Variants in MTIF2 observed in about 807,000 individuals in gnomAD.
MTIF2 encodes mitochondrial translational initiation factor 2.
MTIF2 carries 71 observed loss-of-function variants against 83.5 expected under a neutral mutation model. The observed-to-expected ratio is 0.85, with a 90% confidence interval of 0.70 to 1.04. The LOEUF (loss-of-function observed/expected upper bound fraction) is 1.04. Ranked by LOEUF, MTIF2 falls within the 50% of genes least tolerant of loss-of-function variation. The pLI is 0.00. For missense variants in MTIF2, 957 were observed against 846.5 expected (o/e 1.13, Z -1.62); for synonymous variants, 319 against 287.1 (o/e 1.11, Z -1.12).
At position 55,252,461 on chromosome 2, in the gene MTIF2, G is replaced by C; in HGVS notation, c.841+16C>G. ...TGACTTTATGTAGTAGATCCATTAA[G>C]TCAGCCACACAGTACCCTGTGCATC... On this transcript the variant is annotated intron_variant, in intron 8 of 15. Transcript: ENST00000263629. 6.2e-7 allele frequency: 1 copy of C among 1,607,806 alleles called. No homozygotes were observed. The highest frequency in any genetic ancestry group is 8.5e-7 in the Non-Finnish European group (1 of 1,176,106).
chr2:55,263,704 G>C lies in MTIF2; in HGVS notation c.155C>G (p.Pro52Arg), dbSNP rs1278297258. 19 of 1,614,038 alleles carry C rather than the reference G, an allele frequency of 1.2e-5. No individual in the cohort carries two copies. Among genetic ancestry groups the C allele is most frequent in the Non-Finnish European group, 1.6e-5 (19 of 1,180,020 alleles). The change falls in exon 4 of 16, where the codon CCC becomes CGC. Residue 52 changes from proline to arginine, a missense_variant. Around this residue, in one of 3 missense-constraint regions of MTIF2, gnomAD observed 733 missense variants for 648.7 expected, o/e 1.13. Transcript: ENST00000263629. ...PVWTAQLCAW[P>R]WPTDVLTGAA... ...CCCAGTGAGCACATCTGTTGGCCAG[G>C]GCCAGGCACACAGTTGAGCTGTCCA...
intron 5 of MTIF2, among the ~76,000 whole-genome samples, chr2:55,260,973 G>C (rs1341513581): frequency 6.6e-6 from 1 of 151,758 alleles, no homozygotes; most frequent in Admixed American, 6.6e-5. Context: ...AGAAGTTGTA[G>C]TTATTACTAC....
chr2:55,263,584 G>A (rs1307307072), intron 4 of MTIF2, 56 bp downstream of exon 4: 22 of 1,389,038 alleles, frequency 1.6e-5, no homozygotes, highest in Non-Finnish European at 1.9e-5. Context: ...CACTCCAGCC[G>A]GGGTGACAGG....
rs755555792 is a variant in MTIF2 at position 55,246,308 on chromosome 2, T to G, written c.1106+29A>C. ...AAGTCACGAAAACCACAGAACAAAT[T>G]AAAAAGGCAAGCATTTTAAGAGTCC... On this transcript the variant is annotated intron_variant, in intron 10 of 15. Coordinates refer to ENST00000263629, the MANE Select transcript of MTIF2 (RefSeq NM_002453.3). 3.8e-6 allele frequency: 6 copies of G among 1,566,428 alleles called. No individual in the cohort carries two copies. The African/African-American group carries it at 8.1e-5, about 21-fold the overall frequency.
At chr2:55,252,846 G>GT (rs969457193) in intron 7 of MTIF2, among the ~76,000 whole-genome samples, 193 bp from the exon 8 acceptor site, 6 of 152,076 alleles carry the variant, frequency 3.9e-5, no homozygotes, top group South Asian at 2.1e-4. Context: ...ATTCTTATGG[G>GT]TTTTTTTCCA....
At chr2:55,268,068 C>T (rs1054557499) in intron 2 of MTIF2, among the ~76,000 whole-genome samples, 4 of 152,048 alleles carry the variant, frequency 2.6e-5, no homozygotes, top group African/African-American at 4.8e-5. Flanking sequence ...GCCTGGCCAA[C>T]ATGGTGAAAC....
At position 55,262,349 on chromosome 2, in the gene MTIF2, C is replaced by T. The variant is rs1160707888; in HGVS notation, c.298G>A (p.Glu100Lys). The T allele has an allele frequency of 1.2e-6, 2 of 1,613,484 alleles. No homozygotes were observed. The highest frequency in any genetic ancestry group is 2.2e-5 in the East Asian group (1 of 44,824). Residue 100 changes from glutamate (E) to lysine (K), a missense_variant, in exon 5 of 16, where the codon GAG becomes AAG. Physicochemically the swap from Glu to Lys is moderately conservative, Grantham distance 56. Around this residue, in one of 3 missense-constraint regions of MTIF2, gnomAD observed 733 missense variants for 648.7 expected, o/e 1.13. Transcript: ENST00000263629. ...TTTTCCATTGCCCTGGCCAGTTCCT[C>T]AATAGTCATTCCAATCCATACTTCT... is the stretch of plus-strand genomic sequence containing the variant. ...VVEVWIGMTI[E>K]ELARAMEKNT... is the part of the protein sequence containing the mutation.
intron 8 of MTIF2, among the ~76,000 whole-genome samples, chr2:55,249,973 A>G (rs1676978714): frequency 6.6e-6 from 1 of 152,104 alleles, no homozygotes; most frequent in Middle Eastern, 3.2e-3. Context: ...TGCACCTGTA[A>G]TCCCAGCTAC....
At chr2:55,264,645 A>G (rs1463759226) in intron 3 of MTIF2, among the ~76,000 whole-genome samples, 1 of 152,066 alleles carries the variant, frequency 6.6e-6, no homozygotes, top group African/African-American at 2.4e-5. Context: ...GAAACTTTGC[A>G]CACACTTCCT....
At position 55,244,309 on chromosome 2, in the gene MTIF2, A is replaced by G. The variant is rs1379714826; in HGVS notation, c.1107-76T>C. ...GAGCAAAGATATCTTTATGAAGTTT[A>G]AGTTATATAAACATGTGTATACACA... On this transcript the variant is annotated intron_variant, in intron 10 of 15. Transcript: ENST00000263629. 6.3e-6 allele frequency: 7 copies of G among 1,112,156 alleles called. No individual in the cohort carries two copies. In the African/African-American group the frequency reaches 1.1e-4, roughly 18 times the overall value. 68.9% of individuals were successfully genotyped at this position (1,112,156 alleles called of 1,614,324 possible).
In MTIF2 at chr2:55,244,102, C is replaced by A; in HGVS notation, c.1238G>T (p.Ser413Ile). ...CCAGCCTGTAATTCCCACTGGCATG[C>A]TGGGATAGGCCTCATCAATTGTTTT... Reference protein sequence around the residue: ...NGKTIDEAYPSMPVGITGWRD... With the variant: ...NGKTIDEAYPIMPVGITGWRD... The change falls in exon 11 of 16, where the codon AGC becomes ATC. Residue 413 changes from serine (S) to isoleucine (I), a missense_variant. By Grantham distance (142) the Ser-to-Ile change is moderately radical. Around this residue, in one of 3 missense-constraint regions of MTIF2, gnomAD observed 733 missense variants for 648.7 expected, o/e 1.13. Coordinates refer to ENST00000263629, the MANE Select transcript of MTIF2 (RefSeq NM_002453.3). 1 of 1,614,126 alleles carries A rather than the reference C, an allele frequency of 6.2e-7. No homozygotes were observed. Among genetic ancestry groups the A allele is most frequent in the Non-Finnish European group, 8.5e-7 (1 of 1,180,002 alleles).
intron 11 of MTIF2, 78 bp from the exon 12 acceptor site, chr2:55,243,746 A>C: frequency 7.0e-7 from 1 of 1,422,656 alleles, no homozygotes; most frequent in South Asian, 1.4e-5. Flanking sequence ...GTTGTCCTGC[A>C]TTAGGAAATT....
At chr2:55,262,231 C>T in intron 5 of MTIF2, 85 bp downstream of exon 5, 1 of 905,600 alleles carries the variant, frequency 1.1e-6, no homozygotes, top group South Asian at 1.4e-5. Flanking sequence ...AGTTTTTAAT[C>T]TTTCAATGCC....
chr2:55,258,837 G>A (rs979258194), intron 5 of MTIF2, among the ~76,000 whole-genome samples: 87 of 145,764 alleles, frequency 6.0e-4, no homozygotes, highest in African/African-American at 2.1e-3. Flanking sequence ...AAAAAAATTA[G>A]CCAGGCATGT....
intron 3 of MTIF2, among the ~76,000 whole-genome samples, chr2:55,264,303 C>T (rs1249410339): frequency 6.6e-6 from 1 of 152,194 alleles, no homozygotes; most frequent in East Asian, 1.9e-4. Flanking sequence ...ATGGTCACAG[C>T]TCATTGCAGC....
In MTIF2 at chr2:55,262,291, T is replaced by G. The variant is rs759617671; in HGVS notation, c.331+25A>C. 8.7e-6 allele frequency: 13 copies of G among 1,499,546 alleles called. No homozygotes were observed. In the East Asian group the frequency reaches 2.7e-4, roughly 31 times the overall value. 92.9% of individuals were successfully genotyped at this position (1,499,546 alleles called of 1,614,324 possible). A position where few individuals can be genotyped will look rare whatever the true frequency, so the allele number is the denominator to read the frequency against. On this transcript the variant is annotated intron_variant, in intron 5 of 15. Coordinates refer to ENST00000263629, the MANE Select transcript of MTIF2 (RefSeq NM_002453.3). ...CCGGTCTTCCAACATTCCCATATTT[T>G]GCTTTGTAAAAATATCTGACTCACC...
chr2:55,261,665 G>A (rs781717634), intron 5 of MTIF2, among the ~76,000 whole-genome samples: 42 of 151,968 alleles, frequency 2.8e-4, no homozygotes, highest in Middle Eastern at 3.4e-3. Flanking sequence ...AGGGCCAGGC[G>A]TGGTGGCTCA....
intron 5 of MTIF2, among the ~76,000 whole-genome samples, chr2:55,259,927 G>C (rs533814489): frequency 2.0e-5 from 3 of 151,750 alleles, no homozygotes; most frequent in Non-Finnish European, 4.4e-5. Context: ...CTGGGTGACA[G>C]AGCAAGACTC....
At position 55,249,397 on chromosome 2, in the gene MTIF2, T is replaced by G; in HGVS notation, c.979A>C (p.Thr327Pro). 2 of 1,613,958 alleles carry G rather than the reference T, an allele frequency of 1.2e-6. No homozygotes were observed. The highest frequency in any genetic ancestry group is 1.7e-6 in the Non-Finnish European group (2 of 1,179,946). Residue 327 changes from threonine (T) to proline (P), a missense_variant and splice_region_variant, in exon 9 of 16, where the codon ACG becomes CCG. Around this residue, in one of 3 missense-constraint regions of MTIF2, gnomAD observed 733 missense variants for 648.7 expected, o/e 1.13. Coordinates refer to ENST00000263629, the MANE Select transcript of MTIF2 (RefSeq NM_002453.3). ...TTATATGAGGTCCCCGCATTTACCG[T>G]AAGTGCGGAGACAGGCACTGCTTGA... is the stretch of plus-strand genomic sequence containing the variant. Reference protein sequence around the residue: ...DVQAVPVSALTGDNLMALAEA... With the variant: ...DVQAVPVSALPGDNLMALAEA...
Sources: allele counts gnomAD v4.1 joint callset (sites outside exome capture counted in the v4.1 genomes callset), GRCh38; gene constraint gnomAD v4.1.1; regional missense constraint gnomAD v4.1.1; transcripts MANE v1.5; gene names NCBI Gene and HGNC (gene_info 2026-07-23, HGNC 2026-07-21).